The following MAPK8IP1 variants were observed in gnomAD, a reference collection of about 807,000 sequenced individuals.
MAPK8IP1 encodes the protein C-Jun-amino-terminal kinase-interacting protein 1.
Under a neutral mutation model 72.6 loss-of-function variants are expected in MAPK8IP1, and 17 were observed. The ratio of observed to expected loss-of-function variants is 0.23; its 90% CI spans 0.16 to 0.35. The LOEUF (loss-of-function observed/expected upper bound fraction) is 0.35, where lower values mean the gene tolerates loss of function less well. MAPK8IP1 is among the 10% of genes least tolerant of loss of function. The probability of loss-of-function intolerance (pLI) is 1.00; values close to 1 mark genes in which losing one functional copy is unlikely to be tolerated. For missense variants in MAPK8IP1, 789 were observed against 1,009.7 expected, an observed-to-expected ratio of 0.78 and a Z score of 2.96; for synonymous variants, 401 against 443.4, an observed-to-expected ratio of 0.90 and a Z score of 1.20.
At chr11:45,889,143 A>G (rs2086548259) in intron 1 of MAPK8IP1, among the ~76,000 whole-genome samples, 2 of 152,252 alleles carry the variant, frequency 1.3e-5, no homozygotes, top group Admixed American at 6.5e-5. Flanking sequence ...AAGTCTAAAA[A>G]TGAAATTGAT....
At chr11:45,891,703 C>T (rs1427848099) in intron 1 of MAPK8IP1, among the ~76,000 whole-genome samples, 1 of 152,232 alleles carries the variant, frequency 6.6e-6, no homozygotes, top group African/African-American at 2.4e-5. Flanking sequence ...CAATATCATC[C>T]TGGGGAGACC....
intron 2 of MAPK8IP1, among the ~76,000 whole-genome samples, chr11:45,899,378 G>A (rs544860441): frequency 6.6e-6 from 1 of 152,368 alleles, no homozygotes; most frequent in African/African-American, 2.4e-5. Context: ...AAGCTCCAGC[G>A]GGCTTCACAC....
rs2086703850 is a variant in MAPK8IP1 at position 45,905,806 on chromosome 11, G to C, written c.*85G>C. 7.4e-7 allele frequency: 1 copy of C among 1,356,142 alleles called. No individual in the cohort carries two copies. The highest frequency in any genetic ancestry group is 1.4e-5 in the African/African-American group (1 of 69,990). The allele number at this position is 1,356,142 out of a possible 1,614,324, so 84.0% of individuals were successfully genotyped here. ...GCTGACAGGATGTGGCACTGCTTGA[G>C]GAGGGGCACCTGCCACCGCCAGAGG... On this transcript the variant is annotated 3_prime_UTR_variant, in exon 12 of 12. Coordinates refer to ENST00000241014, the MANE Select transcript of MAPK8IP1 (RefSeq NM_005456.4).
intron 11 of MAPK8IP1, 58 bp downstream of exon 11, chr11:45,905,307 T>C: frequency 1.3e-6 from 2 of 1,489,720 alleles, no homozygotes; most frequent in Admixed American, 3.4e-5. Context: ...TCCCAGGCCC[T>C]GGGGCTGCTT....
chr11:45,898,305 A>G lies in MAPK8IP1; in HGVS notation c.207+115A>G, dbSNP rs17847254. On this transcript the variant is annotated intron_variant, in intron 2 of 11. Transcript: ENST00000241014. ...TCAGGTCTGTGCTGGCACCCTCATGAAATGAAATGATGTGCAAGAAACATA... is the reference window on the plus strand; with the variant it reads ...TCAGGTCTGTGCTGGCACCCTCATGGAATGAAATGATGTGCAAGAAACATA... 1.3e-3 allele frequency: 880 copies of G among 694,082 alleles called. 7 individuals are homozygous for G. The East Asian group carries it at 0.021, about 17-fold the overall frequency. The allele number at this position is 694,082 out of a possible 1,614,324, so 43.0% of individuals were successfully genotyped here. A position where few individuals can be genotyped will look rare whatever the true frequency, so the allele number is the denominator to read the frequency against.
At chr11:45,889,709 C>G (rs1054915170) in intron 1 of MAPK8IP1, among the ~76,000 whole-genome samples, 1 of 152,060 alleles carries the variant, frequency 6.6e-6, no homozygotes, top group African/African-American at 2.4e-5. Flanking sequence ...CAAGAGAGGG[C>G]GAGTGGCTCC....
In MAPK8IP1 at chr11:45,904,879, C is replaced by T; in HGVS notation, c.1893+45C>T. On this transcript the variant is annotated intron_variant, in intron 9 of 11. Transcript: ENST00000241014. The surrounding 1 kb of genome is among the most constrained non-coding windows in gnomAD (Gnocchi z 6.4). ...CCCCTTCCTTCCATGGCCCCAAGCT[C>T]TCCCCCAAGACTTGTGATGAAGAGG... 6.2e-7 allele frequency: 1 copy of T among 1,609,164 alleles called. No individual in the cohort carries two copies. Among genetic ancestry groups the T allele is most frequent in the Non-Finnish European group, 8.5e-7 (1 of 1,175,558 alleles).
Position 45,904,927 on chromosome 11 carries a change from C to T in MAPK8IP1, c.1894-44C>T. On this transcript the variant is annotated intron_variant, in intron 9 of 11. Transcript: ENST00000241014. This position sits in a 1 kb window ranked among gnomAD's most constrained non-coding sequence, Gnocchi z 6.4. ...AGGCCATCTCCTGTCACCCTCACTG[C>T]AGGCCAGGTGACCGCCCTCTTGCTT... The T allele has an allele frequency of 6.2e-7, 1 of 1,603,372 alleles. No homozygotes were observed. Among genetic ancestry groups the T allele is most frequent in the South Asian group, 1.1e-5 (1 of 90,874 alleles).
At chr11:45,890,483 T>C (rs979589554) in intron 1 of MAPK8IP1, among the ~76,000 whole-genome samples, 2 of 152,182 alleles carry the variant, frequency 1.3e-5, no homozygotes, top group Non-Finnish European at 2.9e-5. Flanking sequence ...CACGCACCCA[T>C]GGGCCATGGG....
rs1297111837 is a variant in MAPK8IP1, at chr11:45,900,069, G to C, written c.208-69G>C. The C allele has an allele frequency of 2.0e-6, 2 of 999,878 alleles. No homozygotes were observed. Among genetic ancestry groups the C allele is most frequent in the East Asian group, 4.5e-5 (1 of 22,052 alleles). The allele number at this position is 999,878 out of a possible 1,614,324, so 61.9% of individuals were successfully genotyped here. Reference sequence around the variant, plus strand: ...GCCACAGAATGGACTCGCCCGGGCGGGGGGCGGTGCAAGCGGCCTCGGCCC... The same window carrying C: ...GCCACAGAATGGACTCGCCCGGGCGCGGGGCGGTGCAAGCGGCCTCGGCCC... On this transcript the variant is annotated intron_variant, in intron 2 of 11. Coordinates refer to ENST00000241014, the MANE Select transcript of MAPK8IP1 (RefSeq NM_005456.4). This position sits in a 1 kb window ranked among gnomAD's most constrained non-coding sequence, Gnocchi z 6.5.
chr11:45,903,197 G>T lies in MAPK8IP1; in HGVS notation c.1417+13G>T. 2 of 1,599,110 alleles carry T rather than the reference G, an allele frequency of 1.3e-6. No homozygotes were observed. The highest frequency in any genetic ancestry group is 1.3e-5 in the African/African-American group (1 of 74,728). ...TCCCGCTCCTCCAGTGAGTCAGCAAGGGGAAGCAGTGGGGTGGGGGGGTCC... is the reference window on the plus strand; with the variant it reads ...TCCCGCTCCTCCAGTGAGTCAGCAATGGGAAGCAGTGGGGTGGGGGGGTCC... On this transcript the variant is annotated intron_variant, in intron 5 of 11. Transcript: ENST00000241014. The surrounding 1 kb of genome is among the most constrained non-coding windows in gnomAD (Gnocchi z 6.4).
chr11:45,893,002 A>G (rs575699081), intron 1 of MAPK8IP1, among the ~76,000 whole-genome samples: 2 of 152,270 alleles, frequency 1.3e-5, no homozygotes, highest in East Asian at 3.9e-4. Context: ...GGATCCCTGG[A>G]CCACACGTGC....
intron 1 of MAPK8IP1, among the ~76,000 whole-genome samples, chr11:45,887,056 G>A (rs1418929076): frequency 1.3e-5 from 2 of 152,184 alleles, no homozygotes; most frequent in Admixed American, 6.5e-5. Flanking sequence ...AGGCCTGAAG[G>A]CTCCAGGGCT....
In MAPK8IP1 at chr11:45,904,434, C is replaced by T; in HGVS notation, c.1667-21C>T. On this transcript the variant is annotated intron_variant, in intron 7 of 11. Transcript: ENST00000241014. This position sits in a 1 kb window ranked among gnomAD's most constrained non-coding sequence, Gnocchi z 6.4. ...CCCTCCTGCTCTTTCTGCCCCTCCT[C>T]AATTCACGCTTGCTTTCCAGCCCTG... The T allele has an allele frequency of 6.3e-7, 1 of 1,598,494 alleles. No individual in the cohort carries two copies.
Position 45,905,584 on chromosome 11 carries a change from G to A in MAPK8IP1, c.2064-65G>A, listed in dbSNP as rs1051874732. 1.7e-5 allele frequency: 24 copies of A among 1,450,558 alleles called. No individual in the cohort carries two copies. In the African/African-American group the frequency reaches 3.2e-4, roughly 19 times the overall value. The allele number at this position is 1,450,558 out of a possible 1,614,324, so 89.9% of individuals were successfully genotyped here. A position where few individuals can be genotyped will look rare whatever the true frequency, so the allele number is the denominator to read the frequency against. On this transcript the variant is annotated intron_variant, in intron 11 of 11. Transcript: ENST00000241014. ...CAAGGCTCCAGCGGGAAAACCCTGGGTCGGGATCCTGTTCCTCCCTTGCCA... is the reference window on the plus strand; with the variant it reads ...CAAGGCTCCAGCGGGAAAACCCTGGATCGGGATCCTGTTCCTCCCTTGCCA...
Position 45,904,445 on chromosome 11 carries a change from T to G in MAPK8IP1, c.1667-10T>G. On this transcript the variant is annotated splice_polypyrimidine_tract_variant and intron_variant, in intron 7 of 11. Transcript: ENST00000241014. The surrounding 1 kb of genome is among the most constrained non-coding windows in gnomAD (Gnocchi z 6.4). Reference sequence around the variant, plus strand: ...TTTCTGCCCCTCCTCAATTCACGCTTGCTTTCCAGCCCTGGCCAAAAACAG... The same window carrying G: ...TTTCTGCCCCTCCTCAATTCACGCTGGCTTTCCAGCCCTGGCCAAAAACAG... 1 of 1,611,760 alleles carries G rather than the reference T, an allele frequency of 6.2e-7. No homozygotes were observed. The highest frequency in any genetic ancestry group is 8.5e-7 in the Non-Finnish European group (1 of 1,178,194).
intron 1 of MAPK8IP1, among the ~76,000 whole-genome samples, chr11:45,887,801 G>A (rs919245089): frequency 6.6e-5 from 10 of 152,266 alleles, no homozygotes; most frequent in Non-Finnish European, 8.8e-5. Flanking sequence ...AGGCCAGTGC[G>A]TGGGAATAAT....
chr11:45,889,788 C>T (rs577854801), intron 1 of MAPK8IP1, among the ~76,000 whole-genome samples: 40 of 152,236 alleles, frequency 2.6e-4, no homozygotes, highest in African/African-American at 9.6e-4. Flanking sequence ...TGGATGGTTG[C>T]CATCTGCCCC....
chr11:45,898,043 T>C (rs1262136224), intron 1 of MAPK8IP1, 42 bp from the exon 2 acceptor site: 1 of 1,228,214 alleles, frequency 8.1e-7, no homozygotes, highest in South Asian at 1.2e-5. Flanking sequence ...TGAGCAGGCA[T>C]AGTGCCCCTG....
Sources: allele counts gnomAD v4.1 joint callset (sites outside exome capture counted in the v4.1 genomes callset), GRCh38; gene constraint gnomAD v4.1.1; non-coding constraint Gnocchi (gnomAD v3.1); transcripts MANE v1.5; gene names NCBI Gene and HGNC (gene_info 2026-07-23, HGNC 2026-07-21).